SHB: variants seen among roughly 807,000 people sequenced by gnomAD.
SHB encodes SH2 domain containing adaptor protein B.
Under a neutral mutation model 52.3 loss-of-function variants are expected in SHB, and 20 were observed. The ratio of observed to expected loss-of-function variants is 0.38; its 90% CI spans 0.27 to 0.56. The LOEUF is 0.56. Among genes scored for constraint, SHB ranks in the 20% least tolerant of loss-of-function variants. SHB has a pLI of 0.71. For missense variants in SHB, 825 were observed against 723.3 expected, an observed-to-expected ratio of 1.14 and a Z score of -1.61; for synonymous variants, 397 against 316.5, an observed-to-expected ratio of 1.25 and a Z score of -2.70.
intron 2 of SHB, among the ~76,000 whole-genome samples, chr9:37,994,579 T>A (rs1260690314): frequency 6.6e-6 from 1 of 152,228 alleles, no homozygotes; most frequent in Admixed American, 6.5e-5. Context: ...CAACCTCTGT[T>A]GTGGAGTGGG....
chr9:37,975,245 G>A (rs1480842282), intron 2 of SHB, among the ~76,000 whole-genome samples: 1 of 152,146 alleles, frequency 6.6e-6, no homozygotes, highest in African/African-American at 2.4e-5. Context: ...TGGACTTTCA[G>A]TCCTCATCTG....
Position 37,916,521 on chromosome 9 carries a change from C to T in SHB, c.*3300G>A, listed in dbSNP as rs1168071360. On this transcript the variant is annotated 3_prime_UTR_variant, in exon 6 of 6. Coordinates refer to ENST00000377707, the MANE Select transcript of SHB (RefSeq NM_003028.3). ...GGGCAGAGGGAGCCTGCAGCTCCAC[C>T]CTGTTGACCGGACGCCTTGCGGGTA... Among the ~76,000 whole-genome samples the T allele has an allele frequency of 6.6e-6, 1 of 152,228 alleles. No homozygotes were observed. Among genetic ancestry groups the T allele is most frequent in the Non-Finnish European group, 1.5e-5 (1 of 68,042 alleles).
At chr9:38,031,805 G>A (rs1821419304) in intron 1 of SHB, among the ~76,000 whole-genome samples, 1 of 152,112 alleles carries the variant, frequency 6.6e-6, no homozygotes, top group African/African-American at 2.4e-5. Context: ...TAAATCACCT[G>A]CCACTGGAAA....
At chr9:37,946,376 G>C (rs138696855) in intron 5 of SHB, among the ~76,000 whole-genome samples, 4 of 152,230 alleles carry the variant, frequency 2.6e-5, no homozygotes, top group Non-Finnish European at 5.9e-5. Context: ...ATCTGGGCCT[G>C]CTTTTATAAC....
At position 37,948,599 on chromosome 9, in the gene SHB, C is replaced by T. The variant is rs765953299; in HGVS notation, c.1346+36G>A. On this transcript the variant is annotated intron_variant, in intron 5 of 5. Transcript: ENST00000377707. ...TGGCCGGCTGCGCTCGCAGAGGCTG[C>T]CGAGGAGGGCTGGGGGTGCTCGGGG... 3.4e-5 allele frequency: 54 copies of T among 1,608,204 alleles called. No homozygotes were observed. In the Admixed American group the frequency reaches 6.0e-4, roughly 18 times the overall value.
intron 1 of SHB, among the ~76,000 whole-genome samples, chr9:38,063,931 G>A (rs1295241888): frequency 6.6e-6 from 1 of 151,828 alleles, no homozygotes; most frequent in Non-Finnish European, 1.5e-5. Context: ...TTAAAACCTG[G>A]GAAAACTGAT....
At chr9:37,975,067 G>C (rs1282169060) in intron 2 of SHB, among the ~76,000 whole-genome samples, 1 of 152,176 alleles carries the variant, frequency 6.6e-6, no homozygotes, top group Non-Finnish European at 1.5e-5. Context: ...CCTAATGACA[G>C]CCCTGCCTCC....
chr9:38,008,646 C>G (rs551897857), intron 2 of SHB, among the ~76,000 whole-genome samples: 1 of 152,350 alleles, frequency 6.6e-6, no homozygotes, highest in South Asian at 2.1e-4. Context: ...GCACAACCCT[C>G]TCTGGGCCTC....
chr9:38,050,111 A>C (rs1373638211), intron 1 of SHB, among the ~76,000 whole-genome samples: 1 of 152,234 alleles, frequency 6.6e-6, no homozygotes, highest in Admixed American at 6.5e-5. Flanking sequence ...AATTGAATGC[A>C]TGATGATCTG....
intron 2 of SHB, among the ~76,000 whole-genome samples, chr9:37,990,134 C>T (rs1820865155): frequency 6.6e-6 from 1 of 152,178 alleles, no homozygotes; most frequent in Non-Finnish European, 1.5e-5. Flanking sequence ...CTCATCTCCC[C>T]TGGTGGTCTG....
chr9:37,990,019 C>T (rs1055558500), intron 2 of SHB, among the ~76,000 whole-genome samples: 1 of 152,208 alleles, frequency 6.6e-6, no homozygotes, highest in Non-Finnish European at 1.5e-5. Flanking sequence ...ATAGCCCCTG[C>T]TCAGGGCCCT....
At chr9:38,007,009 G>A (rs557663350) in intron 2 of SHB, among the ~76,000 whole-genome samples, 110 of 152,286 alleles carry the variant, frequency 7.2e-4, no homozygotes, top group African/African-American at 2.4e-3. Flanking sequence ...AATGAGTTTC[G>A]GGGAATCATG....
chr9:37,948,868 A>C lies in SHB; in HGVS notation c.1227-114T>G, dbSNP rs7032876. The C allele has an allele frequency of 1.0e-3, 1,428 of 1,382,150 alleles. 10 individuals carry two copies. The African/African-American group carries it at 0.017, about 17-fold the overall frequency. 85.6% of individuals were successfully genotyped at this position (1,382,150 alleles called of 1,614,324 possible). On this transcript the variant is annotated intron_variant, in intron 4 of 5. Coordinates refer to ENST00000377707, the MANE Select transcript of SHB (RefSeq NM_003028.3). ...AGCCTCCCTGTACAAGCAGGCATGC[A>C]CTGGTTCATTCCATGGGTACCCACT... is the stretch of plus-strand genomic sequence containing the variant.
chr9:38,022,179 C>A (rs1443061654), intron 1 of SHB, among the ~76,000 whole-genome samples: 3 of 152,156 alleles, frequency 2.0e-5, no homozygotes, highest in Non-Finnish European at 1.5e-5. Context: ...TGAAGTTGTG[C>A]CTCCCCTCAT....
chr9:37,992,600 C>T (rs1390614817), intron 2 of SHB, among the ~76,000 whole-genome samples: 2 of 152,140 alleles, frequency 1.3e-5, no homozygotes, highest in African/African-American at 4.8e-5. Context: ...TGAGCAGGGG[C>T]CTGGGGTCTG....
At chr9:38,056,034 T>C (rs763070800) in intron 1 of SHB, among the ~76,000 whole-genome samples, 1 of 152,194 alleles carries the variant, frequency 6.6e-6, no homozygotes. Context: ...AATAAGCGCA[T>C]GGGTATCTGC....
At chr9:38,055,828 G>A (rs559858295) in intron 1 of SHB, among the ~76,000 whole-genome samples, 8 of 152,102 alleles carry the variant, frequency 5.3e-5, no homozygotes, top group South Asian at 2.1e-4. Flanking sequence ...GCAGACCACC[G>A]TGATTGCCTC....
chr9:38,046,751 T>A (rs2118154929), intron 1 of SHB, among the ~76,000 whole-genome samples: 1 of 152,360 alleles, frequency 6.6e-6, no homozygotes, highest in South Asian at 2.1e-4. Flanking sequence ...TTCTTGTGTC[T>A]CATTAATTGG....
rs34565367 is a variant in SHB at position 38,049,392 on chromosome 9, T to C, written c.717+18537A>G. Among the ~76,000 whole-genome samples, 1,451 of 152,176 alleles carry C rather than the reference T, an allele frequency of 9.5e-3. 16 individuals carry two copies. The highest frequency in any genetic ancestry group is 0.014 in the Non-Finnish European group (972 of 67,978). ...GGGAGGCTGAGGTGGGCAGATCCCCTGAGGTCAGGAGTTTGAAACCAGCCT... is the reference window on the plus strand; with the variant it reads ...GGGAGGCTGAGGTGGGCAGATCCCCCGAGGTCAGGAGTTTGAAACCAGCCT... On this transcript the variant is annotated intron_variant, in intron 1 of 5. Coordinates refer to ENST00000377707, the MANE Select transcript of SHB (RefSeq NM_003028.3).
Sources: allele counts gnomAD v4.1 joint callset (sites outside exome capture counted in the v4.1 genomes callset), GRCh38; gene constraint gnomAD v4.1.1; transcripts MANE v1.5; gene names NCBI Gene and HGNC (gene_info 2026-07-23, HGNC 2026-07-21).